The following POLR1C variants were observed in gnomAD, a reference collection of about 807,000 sequenced individuals.
The protein encoded by POLR1C is RNA polymerase I and III subunit C, also known as DNA-directed RNA polymerases I and III subunit RPAC1.
In POLR1C, 42 loss-of-function variants were observed where a neutral mutation model predicts 38.3. The ratio of observed to expected loss-of-function variants is 1.10; its 90% CI spans 0.86 to 1.42. POLR1C has a LOEUF of 1.42. Among genes scored for constraint, POLR1C ranks in the 40% most tolerant of loss-of-function variants. POLR1C has a pLI of 0.00. For synonymous variants in POLR1C, 163 were observed against 163.9 expected (o/e 0.99, Z 0.04); for missense variants, 507 against 450.5 (o/e 1.13, Z -1.14).
intron 10 of POLR1C, chr6:43,555,576 G>C (rs1427034361): frequency 1.1e-5 from 3 of 276,038 alleles, no homozygotes; most frequent in African/African-American, 2.2e-5. Context: ...TAAATAATTG[G>C]TTGATTCTGT....
exon 9 of POLR1C, chr6:43,529,378 T>TAAAAAAAAA: frequency 8.2e-6 from 1 of 121,292 alleles, no homozygotes; most frequent in South Asian, 5.8e-5. Context: ...CCGTCTCTAC[T>TAAAAAAAAA]AAAAAAAAAA....
Position 43,520,768 on chromosome 6 carries a change from G to T in POLR1C, c.799G>T (p.Val267Phe), listed in dbSNP as rs755407076. 5 of 1,614,006 alleles carry T rather than the reference G, an allele frequency of 3.1e-6. No homozygotes were observed. In the Admixed American group the frequency reaches 8.3e-5, roughly 27 times the overall value. The change falls in exon 7 of 9, where the codon GTC (valine) becomes TTC (phenylalanine). Residue 267 changes from valine to phenylalanine, a missense_variant. By Grantham distance (50) the Val-to-Phe change is conservative. Coordinates refer to ENST00000642195, the MANE Select transcript of POLR1C (RefSeq NM_203290.4). Reference sequence around the variant, plus strand: ...ACCTGGTGTTATTGAGGTGCAGGAAGTCCAAGGTATGGTATTTGGGATGCT... The same window carrying T: ...ACCTGGTGTTATTGAGGTGCAGGAATTCCAAGGTATGGTATTTGGGATGCT... ...FSPGVIEVQE[V>F]QGKKVARVAN... is the part of the protein sequence containing the mutation.
chr6:43,525,880 C>A (rs375580814), downstream of POLR1C: 30 of 1,613,930 alleles, frequency 1.9e-5, no homozygotes, highest in African/African-American at 2.7e-5. Flanking sequence ...GTAAGCTCTG[C>A]CATAGCTGAG....
At chr6:43,552,315 C>T (rs1177464830) in intron 10 of POLR1C, among the ~76,000 whole-genome samples, 2 of 152,118 alleles carry the variant, frequency 1.3e-5, no homozygotes, top group African/African-American at 4.8e-5. Flanking sequence ...ACCTTAGCCT[C>T]CACGTGCTAG....
At chr6:43,523,722 G>T (rs1049919518), downstream of POLR1C, 8 of 1,318,410 alleles carry the variant, frequency 6.1e-6, no homozygotes, top group Admixed American at 8.4e-5. Flanking sequence ...CACAGGGCCT[G>T]TTCTCTCCAG....
chr6:43,527,431 G>A, intron 8 of POLR1C: 1 of 489,200 alleles, frequency 2.0e-6, no homozygotes, highest in Non-Finnish European at 3.7e-6. Flanking sequence ...GCGCCACTAC[G>A]CCCAGCTAAT....
At chr6:43,547,554 C>A in intron 9 of POLR1C, 3 of 1,538,898 alleles carry the variant, frequency 1.9e-6, no homozygotes, top group South Asian at 1.1e-5. Flanking sequence ...CAAAAGACAA[C>A]ACCCTACTCC....
At chr6:43,523,551 C>T (rs527970952), downstream of POLR1C, 60 of 518,250 alleles carry the variant, frequency 1.2e-4, no homozygotes, top group Middle Eastern at 6.4e-4. Flanking sequence ...TGTGGCTGCA[C>T]GGGGGTGGGA....
chr6:43,536,147 A>C (rs1469601698), intron 9 of POLR1C, among the ~76,000 whole-genome samples: 1 of 138,600 alleles, frequency 7.2e-6, no homozygotes, highest in Non-Finnish European at 1.6e-5. Context: ...AGGCACAGTG[A>C]CTCATGCCTG....
downstream of POLR1C, chr6:43,524,896 G>C: frequency 6.2e-7 from 1 of 1,614,002 alleles, no homozygotes; most frequent in Non-Finnish European, 8.5e-7. Flanking sequence ...TGCTGCCCGT[G>C]CATCTGTAAG....
downstream of POLR1C, chr6:43,533,992 T>C (rs1561867804): frequency 6.2e-7 from 1 of 1,602,012 alleles, no homozygotes. Context: ...CTGGTGCATA[T>C]AATGTATTGT....
At chr6:43,536,392 G>A (rs529996160) in intron 9 of POLR1C, among the ~76,000 whole-genome samples, 38 of 142,730 alleles carry the variant, frequency 2.7e-4, no homozygotes, top group African/African-American at 9.6e-4. Flanking sequence ...TCCAGCCTGC[G>A]CAACACAGTG....
chr6:43,550,563 T>C (rs1424890189), intron 9 of POLR1C, among the ~76,000 whole-genome samples: 1 of 152,204 alleles, frequency 6.6e-6, no homozygotes, highest in African/African-American at 2.4e-5. Flanking sequence ...TAACTCTACA[T>C]ACATAATCAC....
chr6:43,518,461 T>C (rs1450554834), intron 2 of POLR1C, among the ~76,000 whole-genome samples: 4 of 152,070 alleles, frequency 2.6e-5, no homozygotes, highest in African/African-American at 9.7e-5. Context: ...TGTGGAGAAA[T>C]CTAGCAGGCT....
chr6:43,526,091 A>AAGAT, downstream of POLR1C: 1 of 633,926 alleles, frequency 1.6e-6, no homozygotes, highest in African/African-American at 1.8e-5. Context: ...CCCATGGCTG[A>AAGAT]TCTTCTAGAG....
chr6:43,523,822 GAA>G (rs772028862), downstream of POLR1C: 7 of 1,613,840 alleles, frequency 4.3e-6, no homozygotes, highest in Non-Finnish European at 5.9e-6. Context: ...CAAAGGGAAA[GAA>G]GAGATGACAA....
At chr6:43,548,489 G>T in intron 9 of POLR1C, 1 of 1,487,086 alleles carries the variant, frequency 6.7e-7, no homozygotes, top group Non-Finnish European at 9.0e-7. Flanking sequence ...AAAAGCCAGA[G>T]GTGGTAAAGG....
intron 10 of POLR1C, among the ~76,000 whole-genome samples, chr6:43,552,644 C>T (rs1165450729): frequency 1.3e-5 from 2 of 152,192 alleles, no homozygotes. Context: ...TGAGCTACTG[C>T]GCCCGGCTTA....
At chr6:43,540,920 T>TAA (rs112382275) in intron 9 of POLR1C, among the ~76,000 whole-genome samples, 11 of 144,194 alleles carry the variant, frequency 7.6e-5, no homozygotes, top group African/African-American at 2.5e-4. Flanking sequence ...TATTCAGCCA[T>TAA]AAAAAAAAAA....
Sources: allele counts gnomAD v4.1 joint callset (sites outside exome capture counted in the v4.1 genomes callset), GRCh38; gene constraint gnomAD v4.1.1; transcripts MANE v1.5; gene names NCBI Gene and HGNC (gene_info 2026-07-23, HGNC 2026-07-21).